Variants in GRIN2B observed in about 807,000 individuals in gnomAD.
GRIN2B encodes the protein glutamate receptor ionotropic, NMDA 2B.
GRIN2B carries 5 observed loss-of-function variants against 114.5 expected under a neutral mutation model. That is an observed-to-expected ratio of 0.04 (90% CI 0.02 to 0.09). The LOEUF (loss-of-function observed/expected upper bound fraction) is 0.09. Among genes scored for constraint, GRIN2B ranks in the 10% least tolerant of loss-of-function variants. GRIN2B has a pLI of 1.00. For synonymous variants in GRIN2B, 787 were observed against 745.1 expected (o/e 1.06, Z -0.92); for missense variants, 1,108 against 1,943.5 (o/e 0.57, Z 8.08).
At chr12:13,825,989 G>A (rs1281814481) in intron 3 of GRIN2B, among the ~76,000 whole-genome samples, 3 of 151,354 alleles carry the variant, frequency 2.0e-5, no homozygotes, top group South Asian at 2.1e-4. Context: ...AAATCATTTT[G>A]CTATTTGTTT....
intron 2 of GRIN2B, among the ~76,000 whole-genome samples, chr12:13,908,503 G>C (rs1375251412): frequency 2.0e-5 from 3 of 152,190 alleles, no homozygotes; most frequent in Non-Finnish European, 4.4e-5. Flanking sequence ...TACCCAAGTT[G>C]ATATGGCTAG....
intron 3 of GRIN2B, among the ~76,000 whole-genome samples, chr12:13,821,196 A>C (rs1401689508): frequency 6.6e-6 from 1 of 151,944 alleles, no homozygotes; most frequent in Non-Finnish European, 1.5e-5. Context: ...CAACCTGAAA[A>C]ACTCAAGTAT....
At chr12:13,611,021 T>A (rs1199916655) in intron 9 of GRIN2B, among the ~76,000 whole-genome samples, 4 of 152,106 alleles carry the variant, frequency 2.6e-5, no homozygotes, top group Non-Finnish European at 5.9e-5. Flanking sequence ...TTTAGAGGAG[T>A]TATTTACAAG....
intron 5 of GRIN2B, among the ~76,000 whole-genome samples, chr12:13,633,399 T>G (rs1249472613): frequency 6.6e-6 from 1 of 152,172 alleles, no homozygotes; most frequent in Non-Finnish European, 1.5e-5. Flanking sequence ...TTTCCAAAAG[T>G]GAGTCTTTGG....
chr12:13,661,432 T>C (rs1349205865), intron 5 of GRIN2B, among the ~76,000 whole-genome samples: 1 of 152,210 alleles, frequency 6.6e-6, no homozygotes, highest in African/African-American at 2.4e-5. Flanking sequence ...CACAGAACTG[T>C]AATTGCTCCG....
At chr12:13,715,346 T>C (rs1950445845) in intron 4 of GRIN2B, among the ~76,000 whole-genome samples, 1 of 151,842 alleles carries the variant, frequency 6.6e-6, no homozygotes, top group African/African-American at 2.4e-5. Context: ...AAATTAAACT[T>C]ATTGCACCAT....
intron 3 of GRIN2B, among the ~76,000 whole-genome samples, chr12:13,754,412 G>C (rs953742282): frequency 1.5e-4 from 23 of 152,252 alleles, no homozygotes; most frequent in African/African-American, 5.5e-4. Context: ...GCTTGTGAAA[G>C]TGTATCACTC....
chr12:13,566,975 A>G (rs753879305), intron 13 of GRIN2B, 50 bp downstream of exon 13: 1 of 1,265,014 alleles, frequency 7.9e-7, no homozygotes, highest in Non-Finnish European at 1.2e-6. Flanking sequence ...GCACAGTGCT[A>G]GGCTAAGCTG....
rs148713100 is a variant in GRIN2B, at chr12:13,980,811, C to G, written c.-447-455G>C. Among the ~76,000 whole-genome samples, 246 of 152,342 alleles carry G rather than the reference C, an allele frequency of 1.6e-3. 3 individuals carry two copies. Among genetic ancestry groups the G allele is most frequent in the African/African-American group, 5.7e-3 (235 of 41,576 alleles). ...TCCCCATCGCCTCCAGCAGCAGCGC[C>G]GCCTCCCACCCCGGGCTTGTGCTGA... On this transcript the variant is annotated intron_variant, in intron 1 of 13. Transcript: ENST00000609686.
chr12:13,723,101 T>C (rs1191730566), intron 4 of GRIN2B, among the ~76,000 whole-genome samples: 1 of 151,766 alleles, frequency 6.6e-6, no homozygotes, highest in African/African-American at 2.4e-5. Context: ...TACAGCAGAC[T>C]GAAAGGGAGC....
At chr12:13,580,082 A>C (rs888492548) in intron 10 of GRIN2B, among the ~76,000 whole-genome samples, 1 of 152,232 alleles carries the variant, frequency 6.6e-6, no homozygotes, top group Non-Finnish European at 1.5e-5. Flanking sequence ...TCTGAAAACA[A>C]AACCAAGAAT....
intron 5 of GRIN2B, among the ~76,000 whole-genome samples, chr12:13,662,232 G>GA (rs1395933182): frequency 2.0e-5 from 3 of 152,032 alleles, no homozygotes; most frequent in Non-Finnish European, 2.9e-5. Flanking sequence ...CTAGCAGCGA[G>GA]AAAAAAATGG....
intron 10 of GRIN2B, among the ~76,000 whole-genome samples, chr12:13,592,814 G>T (rs910105180): frequency 2.0e-5 from 3 of 152,122 alleles, no homozygotes; most frequent in Non-Finnish European, 2.9e-5. Flanking sequence ...ACATCTAGGT[G>T]TTAAAAGGAA....
intron 12 of GRIN2B, among the ~76,000 whole-genome samples, chr12:13,569,248 T>C (rs976181117): frequency 6.6e-6 from 1 of 152,188 alleles, no homozygotes; most frequent in Non-Finnish European, 1.5e-5. Flanking sequence ...AAAATATATA[T>C]GTTGAAGTCC....
At chr12:13,978,723 T>C (rs1239345265) in intron 2 of GRIN2B, among the ~76,000 whole-genome samples, 2 of 152,202 alleles carry the variant, frequency 1.3e-5, no homozygotes, top group Non-Finnish European at 2.9e-5. Context: ...CCTTCAGAGT[T>C]CAGGGACATA....
At chr12:13,926,398 G>A (rs1866911430) in intron 2 of GRIN2B, among the ~76,000 whole-genome samples, 1 of 152,070 alleles carries the variant, frequency 6.6e-6, no homozygotes, top group Admixed American at 6.5e-5. Context: ...CCTAAACAAT[G>A]TGCATTGCTT....
At chr12:13,732,720 C>T (rs765930691) in intron 4 of GRIN2B, among the ~76,000 whole-genome samples, 1 of 152,166 alleles carries the variant, frequency 6.6e-6, no homozygotes, top group Admixed American at 6.5e-5. Context: ...GTGAGTATAG[C>T]TCTTTGCAAA....
rs774206690 is a variant in GRIN2B at position 13,550,884 on chromosome 12, T to C, written c.*11899A>G. ...TGGGCTGCTCAGAGTCAACTCAGGA[T>C]AAGTATACCTCAAGATGAATAAATT... On this transcript the variant is annotated 3_prime_UTR_variant, in exon 14 of 14. Coordinates refer to ENST00000609686, the MANE Select transcript of GRIN2B (RefSeq NM_000834.5). 1 of 152,136 alleles carries C rather than the reference T, an allele frequency of 6.6e-6. No individual in the cohort carries two copies. The highest frequency in any genetic ancestry group is 1.5e-5 in the Non-Finnish European group (1 of 68,024). The allele number at this position is 152,136 out of a possible 1,614,324, so 9.4% of individuals were successfully genotyped here.
At chr12:13,885,121 T>TG in intron 2 of GRIN2B, among the ~76,000 whole-genome samples, 1 of 152,104 alleles carries the variant, frequency 6.6e-6, no homozygotes, top group East Asian at 1.9e-4. Context: ...CAGTAAGATG[T>TG]GAAAAAAGTT....
Sources: gnomAD v4.1 joint callset for allele counts (sites outside exome capture counted in the v4.1 genomes callset) on GRCh38, gnomAD v4.1.1 for gene constraint, MANE v1.5 for transcripts, NCBI Gene and HGNC (gene_info 2026-07-23, HGNC 2026-07-21) for gene names.